NRF1: variants seen among roughly 807,000 people sequenced by gnomAD.
The protein encoded by NRF1 is nuclear respiratory factor 1, also known as alpha palindromic-binding protein.
A neutral mutation model predicts 58.5 loss-of-function variants in NRF1; 5 were observed. The observed-to-expected ratio is 0.09, with a 90% CI of 0.04 to 0.18. The LOEUF is 0.18. Ranked by LOEUF, NRF1 falls within the 10% of genes least tolerant of loss-of-function variation. The pLI, the probability that NRF1 is intolerant of heterozygous loss-of-function variation, is 1.00. For missense variants in NRF1, 288 were observed against 657.7 expected, an observed-to-expected ratio of 0.44 and a Z score of 6.15; for synonymous variants, 224 against 246.7, an observed-to-expected ratio of 0.91 and a Z score of 0.86.
At chr7:129,713,123 A>G (rs1258102895) in intron 8 of NRF1, among the ~76,000 whole-genome samples, 3 of 147,526 alleles carry the variant, frequency 2.0e-5, no homozygotes, top group Non-Finnish European at 4.5e-5. Flanking sequence ...CTGAGACGGA[A>G]TCTCACTCTG....
chr7:129,636,583 A>G (rs564893663), intron 1 of NRF1, among the ~76,000 whole-genome samples: 2 of 152,158 alleles, frequency 1.3e-5, no homozygotes, highest in African/African-American at 4.8e-5. Flanking sequence ...GTTTAGAATG[A>G]TATGTTTATG....
At chr7:129,670,708 A>G (rs1055313294) in intron 2 of NRF1, among the ~76,000 whole-genome samples, 2 of 152,178 alleles carry the variant, frequency 1.3e-5, no homozygotes, top group African/African-American at 4.8e-5. Context: ...CTTTGAGTCT[A>G]CCCTCCATCT....
chr7:129,688,068 C>T (rs901412196), intron 4 of NRF1, among the ~76,000 whole-genome samples: 2 of 152,146 alleles, frequency 1.3e-5, no homozygotes, highest in Non-Finnish European at 2.9e-5. Context: ...GAAGTAGTAA[C>T]CTAATGATTT....
intron 5 of NRF1, among the ~76,000 whole-genome samples, chr7:129,698,140 A>C (rs966393360): frequency 4.6e-5 from 7 of 152,150 alleles, no homozygotes; most frequent in Admixed American, 6.5e-5. Flanking sequence ...TGAGAACTAA[A>C]TGCTCTGTTC....
At chr7:129,691,906 A>G (rs1457674484) in intron 5 of NRF1, among the ~76,000 whole-genome samples, 1 of 151,718 alleles carries the variant, frequency 6.6e-6, no homozygotes, top group African/African-American at 2.4e-5. Flanking sequence ...GTTTACCCTC[A>G]CTGTTAGATG....
intron 5 of NRF1, among the ~76,000 whole-genome samples, chr7:129,693,587 T>G (rs1305997319): frequency 6.6e-6 from 1 of 152,120 alleles, no homozygotes; most frequent in Non-Finnish European, 1.5e-5. Flanking sequence ...TGTTAGTGTA[T>G]TTTATGTGTG....
At chr7:129,736,047 A>G (rs1803701999) in intron 10 of NRF1, among the ~76,000 whole-genome samples, 1 of 152,080 alleles carries the variant, frequency 6.6e-6, no homozygotes, top group African/African-American at 2.4e-5. Context: ...ATAAAATTAT[A>G]AGACCCCACC....
chr7:129,729,059 A>G (rs1372223150), intron 10 of NRF1, among the ~76,000 whole-genome samples: 1 of 152,204 alleles, frequency 6.6e-6, no homozygotes, highest in East Asian at 1.9e-4. Context: ...TGTGGCATTC[A>G]TGTGAAGTGT....
chr7:129,668,964 T>C (rs7792411), intron 2 of NRF1, among the ~76,000 whole-genome samples: 29,116 of 152,040 alleles, frequency 0.19, 3,054 homozygotes, highest in East Asian at 0.47. Context: ...CTCTCCTTTT[T>C]TGAGACGGAG....
chr7:129,688,481 AACC>A (rs1802490514), intron 4 of NRF1, among the ~76,000 whole-genome samples: 1 of 152,166 alleles, frequency 6.6e-6, no homozygotes, highest in Admixed American at 6.6e-5. Flanking sequence ...AGAAGGATTT[AACC>A]TTATAAACCT....
At position 129,661,730 on chromosome 7, in the gene NRF1, A is replaced by G. The variant is rs571893450; in HGVS notation, c.223+4156A>G. 2.0e-4 allele frequency among the ~76,000 whole-genome samples: 30 copies of G among 151,032 alleles called. 1 individual carries two copies. The South Asian group carries it at 2.9e-3, about 15-fold the overall frequency. The stretch of plus-strand genomic sequence containing the variant: ...TCTCTTGGAAGTTCCAAACTTTCCT[A>G]CATTTTCCCGTCTTCTTTTGAGCCC... On this transcript the variant is annotated intron_variant, in intron 2 of 10. Coordinates refer to ENST00000393232, the MANE Select transcript of NRF1 (RefSeq NM_005011.5).
chr7:129,751,576 T>G (rs1804116766), intron 10 of NRF1, among the ~76,000 whole-genome samples: 1 of 152,250 alleles, frequency 6.6e-6, no homozygotes, highest in South Asian at 2.1e-4. Context: ...TTCTTTTAGT[T>G]TCTATTCACA....
chr7:129,640,156 G>C (rs1801257512), intron 1 of NRF1, among the ~76,000 whole-genome samples: 1 of 152,176 alleles, frequency 6.6e-6, no homozygotes, highest in African/African-American at 2.4e-5. Context: ...AGATGTATTA[G>C]AGGGACCAGG....
chr7:129,628,570 T>A (rs931520044), intron 1 of NRF1, among the ~76,000 whole-genome samples: 5 of 152,252 alleles, frequency 3.3e-5, no homozygotes, highest in Non-Finnish European at 4.4e-5. Context: ...TGCAAATCTC[T>A]TTAATGTCTG....
At chr7:129,746,638 A>G (rs1562992304) in intron 10 of NRF1, among the ~76,000 whole-genome samples, 1 of 152,178 alleles carries the variant, frequency 6.6e-6, no homozygotes, top group Non-Finnish European at 1.5e-5. Context: ...AACTCAAGCA[A>G]TATAATCCGG....
At chr7:129,751,878 C>A (rs895799021) in intron 10 of NRF1, among the ~76,000 whole-genome samples, 2 of 152,128 alleles carry the variant, frequency 1.3e-5, no homozygotes, top group African/African-American at 4.8e-5. Flanking sequence ...AGAGCCTGAT[C>A]GTGATAGGAG....
intron 4 of NRF1, among the ~76,000 whole-genome samples, chr7:129,689,775 T>TGTC (rs1802522720): frequency 6.6e-6 from 1 of 152,220 alleles, no homozygotes; most frequent in African/African-American, 2.4e-5. Flanking sequence ...CACCAAGCCC[T>TGTC]ACCAGAAGCA....
At chr7:129,624,228 C>CT (rs1800866539) in intron 1 of NRF1, among the ~76,000 whole-genome samples, 1 of 152,096 alleles carries the variant, frequency 6.6e-6, no homozygotes, top group African/African-American at 2.4e-5. Context: ...TGGTCTCCCT[C>CT]TTTTTTGCGT....
In NRF1 at chr7:129,735,015, G is replaced by C. The variant is rs113273067; in HGVS notation, c.1348+7650G>C. ...GGGCGTGTTCATTTTTGCCTGGAGC[G>C]AGTTTATTGGCTTATTTGTTTCCCC... On this transcript the variant is annotated intron_variant, in intron 10 of 10. Transcript: ENST00000393232. 6.1e-6 allele frequency: 6 copies of C among 978,650 alleles called. No homozygotes were observed. The South Asian group carries it at 1.9e-4, about 31-fold the overall frequency. 60.6% of individuals were successfully genotyped at this position (978,650 alleles called of 1,614,324 possible).
Sources: gnomAD v4.1 joint callset for allele counts (sites outside exome capture counted in the v4.1 genomes callset) on GRCh38, gnomAD v4.1.1 for gene constraint, MANE v1.5 for transcripts, NCBI Gene and HGNC (gene_info 2026-07-23, HGNC 2026-07-21) for gene names.